Variants in PPFIA1 observed in about 807,000 individuals in gnomAD.
PPFIA1 encodes the protein PPFI scaffold protein A1.
In PPFIA1, 25 loss-of-function variants were observed where a neutral mutation model predicts 149.9. That is an observed-to-expected ratio of 0.17 (90% CI 0.12 to 0.23). The LOEUF (loss-of-function observed/expected upper bound fraction) is 0.23, where lower values mean the gene tolerates loss of function less well. Among genes scored for constraint, PPFIA1 ranks in the 10% least tolerant of loss-of-function variants. PPFIA1 has a pLI of 1.00. For missense variants in PPFIA1, 1,362 were observed against 1,506.5 expected (o/e 0.90, Z 1.59); for synonymous variants, 549 against 552.8 (o/e 0.99, Z 0.10).
At chr11:70,376,478 C>A in intron 24 of PPFIA1, 54 bp from the exon 25 acceptor site, 1 of 1,494,394 alleles carries the variant, frequency 6.7e-7, no homozygotes, top group Non-Finnish European at 9.3e-7. Flanking sequence ...GATGCTAACA[C>A]CCTTCAAATT....
chr11:70,338,612 T>G (rs1212430989), intron 13 of PPFIA1, among the ~76,000 whole-genome samples, 159 bp downstream of exon 13: 1 of 152,220 alleles, frequency 6.6e-6, no homozygotes, highest in Non-Finnish European at 1.5e-5. Flanking sequence ...AGGTTAGAGC[T>G]TGGTACTGAG....
rs756051521 is a variant in PPFIA1 at position 70,272,223 on chromosome 11, A to C, written c.51A>C (p.Gly17=). ...TCAGCGAAGCAGAAGGCCCCCCTGG[A>C]GGAGGTGGAGGCCATGGTTCCGGCT... is the stretch of plus-strand genomic sequence containing the variant. ...PTISEAEGPP[G]GGGGHGSGSP... is the part of the protein sequence containing the mutation. The change falls in exon 2 of 28, where the codon GGA becomes GGC. Residue 17 remains glycine (G), a synonymous_variant. Coordinates refer to ENST00000253925, the MANE Select transcript of PPFIA1 (RefSeq NM_003626.5). The C allele has an allele frequency of 1.2e-6, 2 of 1,614,086 alleles. No individual in the cohort carries two copies. Among genetic ancestry groups the C allele is most frequent in the Admixed American group, 1.7e-5 (1 of 60,018 alleles).
chr11:70,285,679 CAA>C (rs111860640), intron 2 of PPFIA1, among the ~76,000 whole-genome samples: 41 of 82,388 alleles, frequency 5.0e-4, no homozygotes, highest in African/African-American at 1.3e-3. Flanking sequence ...GACTCTGTCT[CAA>C]AAAAAAAAAA....
chr11:70,326,948 T>C lies in PPFIA1; in HGVS notation c.930+130T>C, dbSNP rs1396098291. On this transcript the variant is annotated intron_variant, in intron 7 of 27. Transcript: ENST00000253925. ...TTCAACCTTTGGATTATTGTATAAGTTATATTGAAAAAGAGAGAGTGCTGT... is the reference window on the plus strand; with the variant it reads ...TTCAACCTTTGGATTATTGTATAAGCTATATTGAAAAAGAGAGAGTGCTGT... 4 of 784,024 alleles carry C rather than the reference T, an allele frequency of 5.1e-6. No individual in the cohort carries two copies. The East Asian group carries it at 1.1e-4, about 21-fold the overall frequency. The allele number at this position is 784,024 out of a possible 1,614,324, so 48.6% of individuals were successfully genotyped here. A position where few individuals can be genotyped will look rare whatever the true frequency, so the allele number is the denominator to read the frequency against.
intron 2 of PPFIA1, among the ~76,000 whole-genome samples, chr11:70,295,515 C>A (rs1346276855): frequency 1.4e-5 from 2 of 141,580 alleles, no homozygotes; most frequent in African/African-American, 2.7e-5. Context: ...GGGGCTGACC[C>A]CCCCCACCTC....
chr11:70,301,910 T>C (rs2052509014), intron 2 of PPFIA1, among the ~76,000 whole-genome samples: 1 of 152,244 alleles, frequency 6.6e-6, no homozygotes, highest in Non-Finnish European at 1.5e-5. Context: ...CTGTCAGTAT[T>C]ACTCAGTTAA....
In PPFIA1 at chr11:70,365,382, A is replaced by C. The variant is rs781467255; in HGVS notation, c.2865+2894A>C. 12 of 456,596 alleles carry C rather than the reference A, an allele frequency of 2.6e-5. 1 individual carries two copies. Among genetic ancestry groups the C allele is most frequent in the South Asian group, 1.9e-4 (12 of 64,562 alleles). The allele number at this position is 456,596 out of a possible 1,614,324, so 28.3% of individuals were successfully genotyped here. A position where few individuals can be genotyped will look rare whatever the true frequency, so the allele number is the denominator to read the frequency against. On this transcript the variant is annotated intron_variant, in intron 21 of 27. Transcript: ENST00000253925. ...ACTGGGGTCACCTTAGACCACAGGAAATGTCTGGTTAACACACGAAGAGAT... is the reference window on the plus strand; with the variant it reads ...ACTGGGGTCACCTTAGACCACAGGACATGTCTGGTTAACACACGAAGAGAT...
At chr11:70,372,707 A>G in intron 23 of PPFIA1, 133 bp downstream of exon 23, 1 of 654,318 alleles carries the variant, frequency 1.5e-6, no homozygotes, top group Non-Finnish European at 2.6e-6. Context: ...GTCTAGTGTC[A>G]TTGCAGAGGA....
At chr11:70,286,945 C>CACATAT (rs58793222) in intron 2 of PPFIA1, among the ~76,000 whole-genome samples, 21,190 of 143,028 alleles carry the variant, frequency 0.15, 1,699 homozygotes, top group African/African-American at 0.23. Flanking sequence ...CATATATATA[C>CACATAT]ACATATACTA....
intron 14 of PPFIA1, chr11:70,341,993 C>G (rs114828750): frequency 5.2e-5 from 8 of 152,950 alleles, no homozygotes; most frequent in African/African-American, 1.9e-4. Flanking sequence ...GCAGCAAGGT[C>G]TAGAGAAGTG....
Position 70,334,548 on chromosome 11 carries a change from A to G in PPFIA1, c.1296+995A>G, listed in dbSNP as rs199574011. On this transcript the variant is annotated intron_variant, in intron 10 of 27. Coordinates refer to ENST00000253925, the MANE Select transcript of PPFIA1 (RefSeq NM_003626.5). Reference sequence around the variant, plus strand: ...AAAATTATTTAAATGCTGACGGAAAATAAGCACAAAGAAGGATATTGTTTC... The same window carrying G: ...AAAATTATTTAAATGCTGACGGAAAGTAAGCACAAAGAAGGATATTGTTTC... 8.5e-5 allele frequency: 13 copies of G among 152,364 alleles called. No homozygotes were observed. In the East Asian group the frequency reaches 2.5e-3, roughly 29 times the overall value. The allele number at this position is 152,364 out of a possible 1,614,324, so 9.4% of individuals were successfully genotyped here.
At chr11:70,367,628 A>G (rs1429856241) in intron 21 of PPFIA1, 1 of 454,718 alleles carries the variant, frequency 2.2e-6, no homozygotes, top group African/African-American at 2.0e-5. Context: ...CCAGGAGAAG[A>G]GGTGGGTCTC....
intron 2 of PPFIA1, among the ~76,000 whole-genome samples, chr11:70,311,629 G>GA (rs1014709745): frequency 2.6e-5 from 4 of 152,198 alleles, no homozygotes; most frequent in Admixed American, 2.6e-4. Flanking sequence ...TCCTGGGTTA[G>GA]AGGGCTGGTG....
intron 2 of PPFIA1, among the ~76,000 whole-genome samples, chr11:70,316,422 A>T (rs1224430602): frequency 1.3e-5 from 2 of 152,206 alleles, no homozygotes; most frequent in Non-Finnish European, 2.9e-5. Flanking sequence ...GTGAAGTTTT[A>T]TTTCATTTTC....
At chr11:70,286,953 C>CA (rs1555081002) in intron 2 of PPFIA1, among the ~76,000 whole-genome samples, 11,328 of 147,294 alleles carry the variant, frequency 0.077, 1,520 homozygotes, top group African/African-American at 0.27. Context: ...TACACATATA[C>CA]TATATATATA....
intron 16 of PPFIA1, among the ~76,000 whole-genome samples, chr11:70,348,654 G>A (rs1449228658): frequency 6.6e-6 from 1 of 152,206 alleles, no homozygotes; most frequent in Non-Finnish European, 1.5e-5. Flanking sequence ...ACTGAGGTGG[G>A]CAGATCACTT....
intron 2 of PPFIA1, among the ~76,000 whole-genome samples, chr11:70,285,530 A>G (rs929337659): frequency 6.6e-6 from 1 of 151,870 alleles, no homozygotes; most frequent in Non-Finnish European, 1.5e-5. Flanking sequence ...AAATACAAAA[A>G]TTAGCTGGGC....
chr11:70,275,660 A>G lies in PPFIA1; in HGVS notation c.264+3224A>G, dbSNP rs660533. Among the ~76,000 whole-genome samples, 36 of 152,268 alleles carry G rather than the reference A, an allele frequency of 2.4e-4. No individual in the cohort carries two copies. In the South Asian group the frequency reaches 6.8e-3, roughly 29 times the overall value. ...TTGACCTTGCATAATTTCTTAAAAGACTATTCTTTCCCCAGTGTACTACAT... is the reference window on the plus strand; with the variant it reads ...TTGACCTTGCATAATTTCTTAAAAGGCTATTCTTTCCCCAGTGTACTACAT... On this transcript the variant is annotated intron_variant, in intron 2 of 27. Coordinates refer to ENST00000253925, the MANE Select transcript of PPFIA1 (RefSeq NM_003626.5).
chr11:70,323,368 C>T (rs1410532227), intron 2 of PPFIA1, among the ~76,000 whole-genome samples: 2 of 152,222 alleles, frequency 1.3e-5, no homozygotes, highest in East Asian at 1.9e-4. Context: ...CACAGCTGAT[C>T]AGGACCCCCA....
Sources: allele counts gnomAD v4.1 joint callset (sites outside exome capture counted in the v4.1 genomes callset), GRCh38; gene constraint gnomAD v4.1.1; transcripts MANE v1.5; gene names NCBI Gene and HGNC (gene_info 2026-07-23, HGNC 2026-07-21).